Variants in ERICH6 observed in about 807,000 individuals in gnomAD.
The protein encoded by ERICH6 is glutamate-rich protein 6.
A neutral mutation model predicts 71.0 loss-of-function variants in ERICH6; 71 were observed. The ratio of observed to expected loss-of-function variants is 1.00; its 90% CI spans 0.83 to 1.22. ERICH6 has a LOEUF of 1.22. ERICH6 is among the 50% of genes most tolerant of loss of function. The pLI is 0.00. For missense variants in ERICH6, 808 were observed against 797.2 expected (o/e 1.01, Z -0.16); for synonymous variants, 262 against 278.4 (o/e 0.94, Z 0.59).
intron 6 of ERICH6, among the ~76,000 whole-genome samples, chr3:150,685,073 A>G (rs1013586140): frequency 4.6e-5 from 7 of 152,104 alleles, no homozygotes; most frequent in African/African-American, 1.7e-4. Context: ...GGCTGCTCTC[A>G]AGTGATCTGT....
intron 12 of ERICH6, among the ~76,000 whole-genome samples, chr3:150,668,353 T>G (rs12631686): frequency 6.6e-6 from 1 of 152,020 alleles, no homozygotes; most frequent in Admixed American, 6.6e-5. Context: ...CATCTCAGGG[T>G]GCCTCGGAGT....
intron 5 of ERICH6, 26 bp downstream of exon 5, chr3:150,685,940 T>C (rs1451515718): frequency 6.3e-7 from 1 of 1,598,576 alleles, no homozygotes; most frequent in Non-Finnish European, 8.6e-7. Flanking sequence ...AACAGTGTAC[T>C]AGTTAGTATG....
chr3:150,682,328 G>C lies in ERICH6; in HGVS notation c.784-12C>G. 6.2e-7 allele frequency: 1 copy of C among 1,606,350 alleles called. No homozygotes were observed. Among genetic ancestry groups the C allele is most frequent in the Non-Finnish European group, 8.5e-7 (1 of 1,177,138 alleles). Reference sequence around the variant, plus strand: ...TCCTCCTCTTCATCCTTCAGAGAGAGAGGAAAAAAATTAAAGAAGTCCCCA... The same window carrying C: ...TCCTCCTCTTCATCCTTCAGAGAGACAGGAAAAAAATTAAAGAAGTCCCCA... On this transcript the variant is annotated splice_polypyrimidine_tract_variant and intron_variant, in intron 6 of 13. Transcript: ENST00000295910.
intron 11 of ERICH6, among the ~76,000 whole-genome samples, chr3:150,673,573 T>A (rs1711542788): frequency 6.6e-6 from 1 of 152,078 alleles, no homozygotes; most frequent in Non-Finnish European, 1.5e-5. Flanking sequence ...TTTATCTTTT[T>A]CTGTGTTTTG....
chr3:150,681,807 C>T (rs1048318059), intron 7 of ERICH6, among the ~76,000 whole-genome samples: 3 of 70,278 alleles, frequency 4.3e-5, no homozygotes, highest in South Asian at 6.2e-4. Context: ...ACACATAACT[C>T]TTTTTTTTTT....
At chr3:150,687,534 G>A (rs565360544) in intron 3 of ERICH6, among the ~76,000 whole-genome samples, 18 of 152,252 alleles carry the variant, frequency 1.2e-4, no homozygotes, top group African/African-American at 4.1e-4. Context: ...GATTTTTCAG[G>A]TAGGAGGGTG....
chr3:150,683,407 A>G (rs149818435), intron 6 of ERICH6, among the ~76,000 whole-genome samples: 2 of 152,258 alleles, frequency 1.3e-5, no homozygotes, highest in African/African-American at 4.8e-5. Context: ...TTGGTTGTGA[A>G]CTTCTCAGCC....
Position 150,698,869 on chromosome 3 carries a change from T to C in ERICH6, c.475A>G (p.Asn159Asp). 6.2e-7 allele frequency: 1 copy of C among 1,613,860 alleles called. No homozygotes were observed. Among genetic ancestry groups the C allele is most frequent in the East Asian group, 2.2e-5 (1 of 44,862 alleles). ...GATACTGGAATTCCTGGAGACAAATTGCGATGAATATTTCTGAAATTTCGA... is the reference window on the plus strand; with the variant it reads ...GATACTGGAATTCCTGGAGACAAATCGCGATGAATATTTCTGAAATTTCGA... ...EMSIDRNIHR[N>D]LSPGIPVSVQ... Residue 159 changes from asparagine to aspartate, a missense_variant, in exon 3 of 14, where the codon AAT becomes GAT. Asn to Asp is a conservative substitution (Grantham distance 23). Coordinates refer to ENST00000295910, the MANE Select transcript of ERICH6 (RefSeq NM_152394.5).
intron 11 of ERICH6, among the ~76,000 whole-genome samples, chr3:150,671,369 T>A (rs993982102): frequency 5.3e-5 from 8 of 152,198 alleles, no homozygotes; most frequent in African/African-American, 1.9e-4. Flanking sequence ...TCAGATATTA[T>A]GAGGATCTGA....
chr3:150,665,514 T>G (rs1208689838), intron 13 of ERICH6, among the ~76,000 whole-genome samples: 1 of 2,530 alleles, frequency 4.0e-4, no homozygotes, highest in Admixed American at 4.9e-3. Flanking sequence ...AGACTCCATC[T>G]CAAAAAAAAA....
At chr3:150,684,860 T>C (rs1395313666) in intron 6 of ERICH6, among the ~76,000 whole-genome samples, 1 of 151,970 alleles carries the variant, frequency 6.6e-6, no homozygotes. Flanking sequence ...TAAAAAATTA[T>C]CTAGGCATAG....
chr3:150,695,423 G>A (rs914138701), intron 3 of ERICH6, among the ~76,000 whole-genome samples: 13 of 152,134 alleles, frequency 8.5e-5, no homozygotes, highest in South Asian at 8.3e-4. Flanking sequence ...AGGCCGAGGC[G>A]GGCAGATCAT....
intron 3 of ERICH6, among the ~76,000 whole-genome samples, chr3:150,691,992 T>G (rs1402002580): frequency 6.6e-6 from 1 of 152,132 alleles, no homozygotes; most frequent in Non-Finnish European, 1.5e-5. Flanking sequence ...GATGGGCCTG[T>G]GAGATTGTAA....
At chr3:150,680,686 A>G (rs1316422938) in intron 8 of ERICH6, 87 bp downstream of exon 8, 4 of 1,553,576 alleles carry the variant, frequency 2.6e-6, no homozygotes, top group African/African-American at 1.4e-5. Context: ...TCAAAGTTAT[A>G]TATCTTGAAA....
intron 13 of ERICH6, among the ~76,000 whole-genome samples, chr3:150,663,404 A>G (rs1727290547): frequency 6.6e-6 from 1 of 152,030 alleles, no homozygotes; most frequent in South Asian, 2.1e-4. Flanking sequence ...ATTTTCTGAG[A>G]TGGAGAGGAC....
At chr3:150,689,084 A>G (rs988257186) in intron 3 of ERICH6, among the ~76,000 whole-genome samples, 8 of 152,258 alleles carry the variant, frequency 5.3e-5, no homozygotes. Context: ...AGCTATCTGT[A>G]TGGCTCAAAC....
At chr3:150,669,243 A>C (rs1240021826) in intron 12 of ERICH6, 53 bp downstream of exon 12, 3 of 1,527,802 alleles carry the variant, frequency 2.0e-6, no homozygotes, top group Non-Finnish European at 2.6e-6. Context: ...AAAAAACAAA[A>C]TTTCCCAGAA....
intron 6 of ERICH6, among the ~76,000 whole-genome samples, chr3:150,685,124 C>T (rs1263031297): frequency 2.0e-5 from 3 of 152,152 alleles, no homozygotes; most frequent in East Asian, 3.8e-4. Flanking sequence ...TGTGAGCCAC[C>T]GTGTCTGGCC....
rs1453724243 is a variant in ERICH6 at position 150,682,330 on chromosome 3, G to A, written c.784-14C>T. On this transcript the variant is annotated splice_polypyrimidine_tract_variant and intron_variant, in intron 6 of 13. Coordinates refer to ENST00000295910, the MANE Select transcript of ERICH6 (RefSeq NM_152394.5). ...CTCCTCTTCATCCTTCAGAGAGAGA[G>A]GAAAAAAATTAAAGAAGTCCCCACA... The A allele has an allele frequency of 6.2e-7, 1 of 1,603,896 alleles. No homozygotes were observed. The highest frequency in any genetic ancestry group is 8.5e-7 in the Non-Finnish European group (1 of 1,175,374).
Sources: allele counts gnomAD v4.1 joint callset (sites outside exome capture counted in the v4.1 genomes callset), GRCh38; gene constraint gnomAD v4.1.1; transcripts MANE v1.5; gene names NCBI Gene and HGNC (gene_info 2026-07-23, HGNC 2026-07-21).